The following BTD variants were observed in gnomAD, a reference collection of about 807,000 sequenced individuals.
The protein encoded by BTD is biocytinase.
BTD carries 13 observed loss-of-function variants against 17.7 expected under a neutral mutation model. The observed-to-expected ratio is 0.74, with a 90% CI of 0.48 to 1.17. The LOEUF (loss-of-function observed/expected upper bound fraction) is 1.17. Ranked by LOEUF, BTD falls within the 50% of genes most tolerant of loss-of-function variation. The pLI is 0.00. For synonymous variants in BTD, 240 were observed against 245.2 expected, an observed-to-expected ratio of 0.98 and a Z score of 0.20; for missense variants, 674 against 650.4, an observed-to-expected ratio of 1.04 and a Z score of -0.39.
chr3:15,671,929 A>G (rs1269518589), intron 3 of BTD, among the ~76,000 whole-genome samples: 1 of 152,136 alleles, frequency 6.6e-6, no homozygotes, highest in South Asian at 2.1e-4. Flanking sequence ...GGAATCATGT[A>G]GTATGTATTA....
At chr3:15,685,456 A>G in intron 3 of BTD, 1 of 1,613,222 alleles carries the variant, frequency 6.2e-7, no homozygotes, top group Middle Eastern at 1.7e-4. Flanking sequence ...CTGAAAGAAA[A>G]TAATTTAAAG....
chr3:15,603,293 C>T (rs955238596), intron 1 of BTD, among the ~76,000 whole-genome samples: 4 of 152,182 alleles, frequency 2.6e-5, no homozygotes, highest in East Asian at 1.9e-4. Context: ...AGCATTAACT[C>T]GAAAGTCCAC....
At chr3:15,695,228 CA>C (rs1553594664) in intron 3 of BTD, 1 of 1,561,316 alleles carries the variant, frequency 6.4e-7, no homozygotes, top group African/African-American at 1.4e-5. Context: ...AAATAAAAGT[CA>C]AAACAAAAAT....
At chr3:15,642,178 C>G in intron 3 of BTD, 121 bp downstream of exon 3, 1 of 1,527,866 alleles carries the variant, frequency 6.5e-7, no homozygotes, top group Non-Finnish European at 8.8e-7. Flanking sequence ...CAAAATCCAA[C>G]CCAAACTCCC....
intron 3 of BTD, among the ~76,000 whole-genome samples, chr3:15,698,230 G>GA (rs1263333705): frequency 2.0e-5 from 3 of 152,058 alleles, no homozygotes; most frequent in Non-Finnish European, 2.9e-5. Context: ...GGTATTGATG[G>GA]AATGTATCTC....
At chr3:15,699,578 A>T (rs2070231376) in intron 3 of BTD, among the ~76,000 whole-genome samples, 2 of 152,272 alleles carry the variant, frequency 1.3e-5, no homozygotes, top group Non-Finnish European at 2.9e-5. Flanking sequence ...GGCAAAGGAT[A>T]TGAACAGACA....
chr3:15,614,677 C>T (rs570619287), intron 1 of BTD, among the ~76,000 whole-genome samples: 2 of 151,292 alleles, frequency 1.3e-5, no homozygotes, highest in African/African-American at 4.9e-5. Flanking sequence ...AGCTCACTGC[C>T]ACCTCCGCCT....
At chr3:15,694,458 T>C (rs2069240708) in intron 3 of BTD, among the ~76,000 whole-genome samples, 3 of 151,712 alleles carry the variant, frequency 2.0e-5, no homozygotes, top group Admixed American at 2.0e-4. Flanking sequence ...ATATTCTCCA[T>C]ATTTTCTCCC....
chr3:15,674,283 T>C (rs1029046825), intron 3 of BTD, among the ~76,000 whole-genome samples: 1 of 150,498 alleles, frequency 6.6e-6, no homozygotes, highest in African/African-American at 2.4e-5. Context: ...AAGAAAAAAG[T>C]GGGCATACTT....
chr3:15,711,344 A>G lies in BTD; in HGVS notation c.*1270A>G, dbSNP rs562112353. 3.4e-4 allele frequency: 450 copies of G among 1,325,502 alleles called. 1 individual carries two copies. The African/African-American group carries it at 5.4e-3, about 16-fold the overall frequency. The allele number at this position is 1,325,502 out of a possible 1,614,324, so 82.1% of individuals were successfully genotyped here. The stretch of plus-strand genomic sequence containing the variant: ...ACACTAAAGAATTGTGTCATGAAAC[A>G]TCAAGAATCACATCCTCCCCTCCAA... On this transcript the variant is annotated 3_prime_UTR_variant, in exon 4 of 4. Coordinates refer to the BTD transcript ENST00000672141.
At chr3:15,608,406 C>T (rs528386342) in intron 1 of BTD, among the ~76,000 whole-genome samples, 1 of 152,224 alleles carries the variant, frequency 6.6e-6, no homozygotes, top group Non-Finnish European at 1.5e-5. Context: ...GTGTAAAATG[C>T]ACCAGGAAAT....
chr3:15,715,423 T>C (rs1311067732), downstream of BTD, among the ~76,000 whole-genome samples: 3 of 152,228 alleles, frequency 2.0e-5, no homozygotes, highest in African/African-American at 7.2e-5. Context: ...CAGATATTCT[T>C]TAAAAATCCT....
chr3:15,605,449 A>G lies in BTD; in HGVS notation c.-17+3555A>G, dbSNP rs1330877120. 1.4e-4 allele frequency among the ~76,000 whole-genome samples: 21 copies of G among 152,220 alleles called. 1 individual carries two copies. Among genetic ancestry groups the G allele is most frequent in the Admixed American group, 6.5e-5 (1 of 15,280 alleles). ...ATTATGGGAGCTATAATTCAAGATGAGATTTGAGTGGGGACATAACCAAAC... is the reference window on the plus strand; with the variant it reads ...ATTATGGGAGCTATAATTCAAGATGGGATTTGAGTGGGGACATAACCAAAC... On this transcript the variant is annotated intron_variant, in intron 1 of 3. Coordinates refer to ENST00000643237, the MANE Select transcript of BTD (RefSeq NM_001370658.1).
chr3:15,601,900 G>A lies in BTD; in HGVS notation c.-17+6G>A, dbSNP rs1245219851. On this transcript the variant is annotated splice_donor_region_variant and intron_variant, in intron 1 of 3. Coordinates refer to ENST00000643237, the MANE Select transcript of BTD (RefSeq NM_001370658.1). The stretch of plus-strand genomic sequence containing the variant: ...GGAAGGCGCGCTAAGAGCAGGTACG[G>A]AGGGGGCGTGGTGCGGCGCGGAGGG... 5.0e-6 allele frequency: 8 copies of A among 1,613,586 alleles called. No homozygotes were observed. The African/African-American group carries it at 9.3e-5, about 19-fold the overall frequency.
chr3:15,620,859 A>C (rs1441685549), intron 1 of BTD, among the ~76,000 whole-genome samples: 1 of 152,230 alleles, frequency 6.6e-6, no homozygotes, highest in Non-Finnish European at 1.5e-5. Flanking sequence ...GATTTATTAG[A>C]GGAATTGGCT....
In BTD at chr3:15,648,841, C is replaced by T. The variant is rs903473801; in HGVS notation, c.*3353C>T. Among the ~76,000 whole-genome samples the T allele has an allele frequency of 1.3e-5, 2 of 149,032 alleles. No homozygotes were observed. Among genetic ancestry groups the T allele is most frequent in the African/African-American group, 2.5e-5 (1 of 40,610 alleles). On this transcript the variant is annotated 3_prime_UTR_variant, in exon 4 of 4. Transcript: ENST00000643237. ...CCTTATCAGAAGAGGAGAAGACACA[C>T]ACACAGGGAGAAGATGACCATGTGA...
In BTD at chr3:15,675,914, A is replaced by C. The variant is rs2292088; in HGVS notation, c.399+33857A>C. 4.6e-3 allele frequency: 7,487 copies of C among 1,611,316 alleles called. 54 individuals are homozygous for C. The highest frequency in any genetic ancestry group is 0.025 in the East Asian group (1,101 of 44,776). On this transcript the variant is annotated intron_variant, in intron 3 of 3. Coordinates refer to the BTD transcript ENST00000672141. ...CCAACTTACCATTTTCATCTACTGC[A>C]AGCACACTTGCTCCTTTTCCCAAAA...
At chr3:15,693,718 A>G (rs2069132282) in intron 3 of BTD, among the ~76,000 whole-genome samples, 1 of 152,104 alleles carries the variant, frequency 6.6e-6, no homozygotes. Context: ...TTTACTATGC[A>G]TGTCTGGGAG....
chr3:15,619,747 A>G (rs2064895241), intron 1 of BTD, among the ~76,000 whole-genome samples: 1 of 152,224 alleles, frequency 6.6e-6, no homozygotes, highest in East Asian at 1.9e-4. Context: ...CCAATATTTC[A>G]ACGTAAGTTC....
Sources: gnomAD v4.1 joint callset for allele counts (sites outside exome capture counted in the v4.1 genomes callset) on GRCh38, gnomAD v4.1.1 for gene constraint, MANE v1.5 for transcripts, NCBI Gene and HGNC (gene_info 2026-07-23, HGNC 2026-07-21) for gene names.